WDR17: variants seen among roughly 807,000 people sequenced by gnomAD.
WDR17 encodes WD repeat domain 17.
WDR17 carries 143 observed loss-of-function variants against 161.7 expected under a neutral mutation model. That is an observed-to-expected ratio of 0.88 (90% CI 0.77 to 1.02). WDR17 has a LOEUF of 1.02. Ranked by LOEUF, WDR17 falls within the 50% of genes least tolerant of loss-of-function variation. The pLI is 0.00. For missense variants in WDR17, 1,469 were observed against 1,520.9 expected, an observed-to-expected ratio of 0.97 and a Z score of 0.57; for synonymous variants, 517 against 515.6, an observed-to-expected ratio of 1.00 and a Z score of -0.04.
Position 176,131,613 on chromosome 4 carries a change from C to A in WDR17, c.973C>A (p.Pro325Thr). ...YTSSTSEAVPPPTLTQNQAFS... is the reference protein window; with the variant it reads ...YTSSTSEAVPTPTLTQNQAFS... ...ATCCTCAACAAGCGAAGCAGTTCCACCCCCAACTTTAACACAGAATCAAGC... is the reference window on the plus strand; with the variant it reads ...ATCCTCAACAAGCGAAGCAGTTCCAACCCCAACTTTAACACAGAATCAAGC... The change falls in exon 7 of 29, where the codon CCC becomes ACC. Residue 325 changes from proline to threonine, a missense_variant. Physicochemically the swap from Pro to Thr is conservative, Grantham distance 38. Coordinates refer to ENST00000508596, the MANE Select transcript of WDR17 (RefSeq NM_181265.4). The A allele has an allele frequency of 6.2e-7, 1 of 1,613,354 alleles. No individual in the cohort carries two copies. Among genetic ancestry groups the A allele is most frequent in the Non-Finnish European group, 8.5e-7 (1 of 1,179,634 alleles).
intron 1 of WDR17, among the ~76,000 whole-genome samples, chr4:176,107,971 T>TCCTTCCTTCTTTCTTTCCTTCCTC (rs1739058576): frequency 2.0e-5 from 3 of 150,378 alleles, no homozygotes; most frequent in Admixed American, 2.0e-4. Flanking sequence ...GTCCCTTCCT[T>TCCTTCCTTCTTTCTTTCCTTCCTC]CCTTCCTTCT....
At chr4:176,174,393 A>T (rs1290094832) in intron 25 of WDR17, among the ~76,000 whole-genome samples, 1 of 152,212 alleles carries the variant, frequency 6.6e-6, no homozygotes, top group African/African-American at 2.4e-5. Flanking sequence ...GTGAAATACT[A>T]TTTAAATATG....
chr4:176,080,338 A>G (rs1734580579), intron 1 of WDR17, among the ~76,000 whole-genome samples: 1 of 151,914 alleles, frequency 6.6e-6, no homozygotes, highest in Admixed American at 6.6e-5. Context: ...CTAAAACTGG[A>G]TGGGATCACC....
chr4:176,107,861 C>A (rs1255872445), intron 1 of WDR17, among the ~76,000 whole-genome samples: 1 of 149,664 alleles, frequency 6.7e-6, no homozygotes, highest in Admixed American at 6.7e-5. Context: ...TTTTTTTCTT[C>A]CTTCCTTCCT....
intron 22 of WDR17, among the ~76,000 whole-genome samples, chr4:176,164,594 A>G (rs1749494638): frequency 6.6e-6 from 1 of 152,162 alleles, no homozygotes; most frequent in African/African-American, 2.4e-5. Flanking sequence ...TGAAATCTGA[A>G]ACACCTTTGG....
intron 3 of WDR17, among the ~76,000 whole-genome samples, chr4:176,116,750 A>C (rs1478942912): frequency 6.6e-6 from 1 of 151,894 alleles, no homozygotes. Flanking sequence ...GTAATAGTCT[A>C]AGGCAAAAAT....
At chr4:176,109,285 T>C (rs1324773323) in intron 1 of WDR17, among the ~76,000 whole-genome samples, 1 of 151,968 alleles carries the variant, frequency 6.6e-6, no homozygotes, top group African/African-American at 2.4e-5. Context: ...TGAAATAATG[T>C]ACATTTTCAG....
intron 1 of WDR17, among the ~76,000 whole-genome samples, chr4:176,090,372 C>CA (rs945963767): frequency 6.6e-6 from 1 of 151,854 alleles, no homozygotes; most frequent in African/African-American, 2.4e-5. Flanking sequence ...TGGAAGTAAT[C>CA]TGAGGCCCTA....
At chr4:176,139,607 A>C (rs983306088) in intron 9 of WDR17, among the ~76,000 whole-genome samples, 2 of 152,006 alleles carry the variant, frequency 1.3e-5, no homozygotes, top group African/African-American at 4.8e-5. Context: ...CAGATGACTT[A>C]AGAAGGACAT....
chr4:176,168,932 G>A, intron 23 of WDR17, 149 bp downstream of exon 23: 1 of 784,020 alleles, frequency 1.3e-6, no homozygotes, highest in Admixed American at 3.2e-5. Flanking sequence ...TTGTACAATA[G>A]GAAGTAACAT....
rs1288598347 is a variant in WDR17, at chr4:176,160,999, A to G, written c.2747A>G (p.Asn916Ser). The change falls in exon 20 of 29, where the codon AAT (asparagine) becomes AGT (serine). Residue 916 changes from asparagine (N) to serine (S), a missense_variant. Asn to Ser is a conservative substitution (Grantham distance 46). Coordinates refer to ENST00000508596, the MANE Select transcript of WDR17 (RefSeq NM_181265.4). ...YSDDIYKEDF[N>S]ELLHKVSKEL... Reference sequence around the variant, plus strand: ...GATGATATCTACAAGGAAGACTTTAATGAGTGAGTGATTTATTTGCTCTGG... The same window carrying G: ...GATGATATCTACAAGGAAGACTTTAGTGAGTGAGTGATTTATTTGCTCTGG... 1.9e-6 allele frequency: 3 copies of G among 1,606,848 alleles called. No individual in the cohort carries two copies. The highest frequency in any genetic ancestry group is 1.7e-4 in the Middle Eastern group (1 of 6,054).
At chr4:176,166,011 G>A in intron 22 of WDR17, 3 of 511,202 alleles carry the variant, frequency 5.9e-6, no homozygotes, top group Non-Finnish European at 1.0e-5. Context: ...TTATAAAGAT[G>A]TGCATAATTT....
At chr4:176,081,076 T>C (rs911265456) in intron 1 of WDR17, among the ~76,000 whole-genome samples, 2 of 152,134 alleles carry the variant, frequency 1.3e-5, no homozygotes, top group Non-Finnish European at 2.9e-5. Flanking sequence ...ACCTCTCCCT[T>C]GCTGCCAGTT....
At chr4:176,129,499 G>GA (rs1384636058) in intron 6 of WDR17, among the ~76,000 whole-genome samples, 2 of 151,982 alleles carry the variant, frequency 1.3e-5, no homozygotes, top group Admixed American at 1.3e-4. Context: ...AAATATAAGG[G>GA]AAAAATAATA....
intron 23 of WDR17, among the ~76,000 whole-genome samples, chr4:176,170,969 G>A (rs975319017): frequency 3.9e-5 from 6 of 152,142 alleles, no homozygotes; most frequent in African/African-American, 1.4e-4. Context: ...CCTTAAACGT[G>A]CTCAGAACAC....
chr4:176,093,675 T>C (rs1446983019), intron 1 of WDR17, among the ~76,000 whole-genome samples: 1 of 152,084 alleles, frequency 6.6e-6, no homozygotes, highest in Non-Finnish European at 1.5e-5. Context: ...AAAAGTTTCT[T>C]CTTACCTCAG....
chr4:176,078,012 T>G (rs867902273), intron 1 of WDR17, among the ~76,000 whole-genome samples: 16 of 152,222 alleles, frequency 1.1e-4, no homozygotes, highest in African/African-American at 3.6e-4. Context: ...TTTCTAGAAC[T>G]TTGTATAAAT....
At chr4:176,152,499 G>T (rs1338582207) in intron 17 of WDR17, among the ~76,000 whole-genome samples, 1 of 146,800 alleles carries the variant, frequency 6.8e-6, no homozygotes. Context: ...CCAGCTACTT[G>T]GGAGGCTGAG....
intron 1 of WDR17, among the ~76,000 whole-genome samples, chr4:176,110,606 A>G (rs1005958674): frequency 6.6e-6 from 1 of 152,126 alleles, no homozygotes; most frequent in Admixed American, 6.6e-5. Flanking sequence ...TGTTATGATG[A>G]GTTTTCATTA....
Sources: allele counts gnomAD v4.1 joint callset (sites outside exome capture counted in the v4.1 genomes callset), GRCh38; gene constraint gnomAD v4.1.1; transcripts MANE v1.5; gene names NCBI Gene and HGNC (gene_info 2026-07-23, HGNC 2026-07-21).